ZNF462: variants seen among roughly 807,000 people sequenced by gnomAD.
ZNF462 encodes zinc finger protein 462.
ZNF462 carries 10 observed loss-of-function variants against 201.9 expected under a neutral mutation model. The ratio of observed to expected loss-of-function variants is 0.05; its 90% CI spans 0.03 to 0.08. The LOEUF is 0.08. Ranked by LOEUF, ZNF462 falls within the 10% of genes least tolerant of loss-of-function variation. The pLI, the probability that ZNF462 is intolerant of heterozygous loss-of-function variation, is 1.00. For synonymous variants in ZNF462, 1,227 were observed against 1,193.3 expected (o/e 1.03, Z -0.58); for missense variants, 2,523 against 3,168.3 (o/e 0.80, Z 4.89).
At chr9:106,918,518 T>G (rs562939101) in intron 1 of ZNF462, among the ~76,000 whole-genome samples, 5 of 152,332 alleles carry the variant, frequency 3.3e-5, no homozygotes, top group Middle Eastern at 3.4e-3. Context: ...TTATTAGAAC[T>G]TCCACTTCAG....
chr9:106,934,811 G>A (rs569410446), intron 5 of ZNF462, among the ~76,000 whole-genome samples: 1 of 152,170 alleles, frequency 6.6e-6, no homozygotes, highest in Non-Finnish European at 1.5e-5. Flanking sequence ...TGAAGTACTA[G>A]GGGTTCGTTG....
chr9:106,929,362 A>C lies in ZNF462; in HGVS notation c.5450A>C (p.Lys1817Thr). 1 of 1,614,134 alleles carries C rather than the reference A, an allele frequency of 6.2e-7. No homozygotes were observed. The highest frequency in any genetic ancestry group is 8.5e-7 in the Non-Finnish European group (1 of 1,180,048). The stretch of plus-strand genomic sequence containing the variant: ...GCCGTCTATGCAGATGAGCATGAGA[A>C]GCCCACACTGATGGAAGAAGAGGAG... ...FTAVYADEHEKPTLMEEEERG... is the reference protein window; with the variant it reads ...FTAVYADEHETPTLMEEEERG... The change falls in exon 3 of 13, where the codon AAG becomes ACG. Residue 1817 changes from lysine to threonine, a missense_variant. This residue lies in a region of ZNF462 where 207 missense variants were observed against 231.6 expected (regional missense o/e 0.89). Transcript: ENST00000277225. The surrounding 1 kb of genome is among the most constrained non-coding windows in gnomAD (Gnocchi z 8.7).
rs940228186 is a variant in ZNF462 at position 106,886,664 on chromosome 9, A to T, written c.-31+23309A>T. Among the ~76,000 whole-genome samples, 3 of 152,174 alleles carry T rather than the reference A, an allele frequency of 2.0e-5. No homozygotes were observed. The highest frequency in any genetic ancestry group is 7.2e-5 in the African/African-American group (3 of 41,446). ...TAACCCCTTCATTTTACAGCTCTGG[A>T]AAGGCTGAAATGATGTGTCCAAAGT... On this transcript the variant is annotated intron_variant, in intron 1 of 12. Transcript: ENST00000277225. This position sits in a 1 kb window ranked among gnomAD's most constrained non-coding sequence, Gnocchi z 4.6.
chr9:106,958,062 C>T (rs915274629), intron 7 of ZNF462, among the ~76,000 whole-genome samples: 4 of 152,018 alleles, frequency 2.6e-5, no homozygotes, highest in Admixed American at 2.6e-4. Context: ...TAGTAAAATC[C>T]CGAGAAGAAA....
At position 106,927,824 on chromosome 9, in the gene ZNF462, A is replaced by G; in HGVS notation, c.3912A>G (p.Leu1304=). 1 of 1,614,196 alleles carries G rather than the reference A, an allele frequency of 6.2e-7. No individual in the cohort carries two copies. The highest frequency in any genetic ancestry group is 8.5e-7 in the Non-Finnish European group (1 of 1,180,034). Reference sequence around the variant, plus strand: ...CGTCCATCATGCGATGGGCATTTCTAGATGGCTTGATAGAAGCTGGCTACC... The same window carrying G: ...CGTCCATCATGCGATGGGCATTTCTGGATGGCTTGATAGAAGCTGGCTACC... The part of the protein sequence containing the change: ...TVTSIMRWAF[L]DGLIEAGYHC... Residue 1304 remains leucine (L), a synonymous_variant, in exon 3 of 13, where the codon CTA becomes CTG. Coordinates refer to ENST00000277225, the MANE Select transcript of ZNF462 (RefSeq NM_021224.6).
Position 106,972,380 on chromosome 9 carries a change from G to A in ZNF462, c.6695+108G>A. ...CTACTTGGAGCTTATGGGAGGCCCT[G>A]CCCATGTGATGATGTAGGGGTTGGG... On this transcript the variant is annotated intron_variant, in intron 8 of 12. Transcript: ENST00000277225. The surrounding 1 kb of genome is among the most constrained non-coding windows in gnomAD (Gnocchi z 4.8). The A allele has an allele frequency of 6.8e-7, 1 of 1,461,450 alleles. No individual in the cohort carries two copies. The highest frequency in any genetic ancestry group is 9.2e-7 in the Non-Finnish European group (1 of 1,089,050). The allele number at this position is 1,461,450 out of a possible 1,614,324, so 90.5% of individuals were successfully genotyped here.
At chr9:106,931,761 T>A (rs1461019155) in intron 4 of ZNF462, among the ~76,000 whole-genome samples, 1 of 152,228 alleles carries the variant, frequency 6.6e-6, no homozygotes, top group Non-Finnish European at 1.5e-5. Flanking sequence ...CAGTCTCCAG[T>A]CATAGAGTGA....
intron 7 of ZNF462, among the ~76,000 whole-genome samples, chr9:106,953,109 AAATCTCTTGGAAGGAAAAAACCAAT>A (rs1564128990): frequency 6.6e-6 from 1 of 152,154 alleles, no homozygotes; most frequent in Non-Finnish European, 1.5e-5. Flanking sequence ...CTTATCTTCC[AAATCTCTTGGAAGGAAAAAACCAAT>A]AATCCCAACT....
intron 7 of ZNF462, among the ~76,000 whole-genome samples, chr9:106,951,021 CAG>C (rs1321173737): frequency 6.7e-6 from 1 of 149,384 alleles, no homozygotes; most frequent in Non-Finnish European, 1.5e-5. Flanking sequence ...ACCCAGGAGA[CAG>C]AGGTTGCAGT....
intron 6 of ZNF462, among the ~76,000 whole-genome samples, chr9:106,937,260 T>A (rs1414529734): frequency 2.0e-5 from 3 of 152,138 alleles, no homozygotes; most frequent in Admixed American, 2.0e-4. Flanking sequence ...GTATTCTATA[T>A]ATTGTCATAT....
rs901606451 is a variant in ZNF462 at position 106,963,066 on chromosome 9, G to A, written c.6428-8939G>A. Among the ~76,000 whole-genome samples, 6 of 151,994 alleles carry A rather than the reference G, an allele frequency of 3.9e-5. No individual in the cohort carries two copies. Among genetic ancestry groups the A allele is most frequent in the South Asian group, 2.1e-4 (1 of 4,826 alleles). ...TTAGTTTCGAATATAATTTTCTTTT[G>A]GAATAGCCCATAGATAAAGAACATT... is the stretch of plus-strand genomic sequence containing the variant. On this transcript the variant is annotated intron_variant, in intron 7 of 12. Coordinates refer to ENST00000277225, the MANE Select transcript of ZNF462 (RefSeq NM_021224.6). This position sits in a 1 kb window ranked among gnomAD's most constrained non-coding sequence, Gnocchi z 4.7.
chr9:106,927,429 A>T lies in ZNF462; in HGVS notation c.3517A>T (p.Ile1173Leu). 1 of 1,549,040 alleles carries T rather than the reference A, an allele frequency of 6.5e-7. No homozygotes were observed. The highest frequency in any genetic ancestry group is 8.8e-7 in the Non-Finnish European group (1 of 1,139,686). The change falls in exon 3 of 13, where the codon ATA becomes TTA. Residue 1173 changes from isoleucine to leucine, a missense_variant. Physicochemically the swap from Ile to Leu is conservative, Grantham distance 5. This residue lies in a region of ZNF462 where 222 missense variants were observed against 271.6 expected (regional missense o/e 0.82). Transcript: ENST00000277225. ...AGGCTCCCCCCGGCCACCCGCCCCC[A>T]TACAACAGCTGAACCGAAGCAGCTC... The part of the protein sequence containing the change: ...PQGSPRPPAP[I>L]QQLNRSSSER...
At chr9:106,939,268 G>C (rs1830764271) in intron 7 of ZNF462, among the ~76,000 whole-genome samples, 161 bp downstream of exon 7, 1 of 152,248 alleles carries the variant, frequency 6.6e-6, no homozygotes, top group Admixed American at 6.5e-5. Flanking sequence ...AGTTGGAGTG[G>C]GAAGGGGAAA....
rs749733937 is a variant in ZNF462, at chr9:107,006,350, A to AAAAC, written c.7189+2939_7189+2942dup. Among the ~76,000 whole-genome samples the AAAAC allele has an allele frequency of 6.6e-6, 1 of 152,206 alleles. No homozygotes were observed. On this transcript the variant is annotated intron_variant, in intron 11 of 12. Coordinates refer to ENST00000277225, the MANE Select transcript of ZNF462 (RefSeq NM_021224.6). The surrounding 1 kb of genome is among the most constrained non-coding windows in gnomAD (Gnocchi z 4.3). ...TAAGAGCATGTTCAAAGTAAAAAAC[A>AAAAC]AAACAAACAAACAAACAACAACAAA... is the stretch of plus-strand genomic sequence containing the variant.
intron 9 of ZNF462, among the ~76,000 whole-genome samples, chr9:106,980,630 C>T (rs1225194750): frequency 6.6e-6 from 1 of 152,186 alleles, no homozygotes; most frequent in Non-Finnish European, 1.5e-5. Flanking sequence ...TACACATGTG[C>T]TTCAATGTGA....
chr9:106,939,632 G>A (rs1290167938), intron 7 of ZNF462, among the ~76,000 whole-genome samples: 1 of 152,166 alleles, frequency 6.6e-6, no homozygotes, highest in Non-Finnish European at 1.5e-5. Flanking sequence ...AGGATGCTAA[G>A]GAGGCATGAG....
At chr9:106,953,087 A>G (rs1315012706) in intron 7 of ZNF462, among the ~76,000 whole-genome samples, 1 of 152,164 alleles carries the variant, frequency 6.6e-6, no homozygotes, top group Non-Finnish European at 1.5e-5. Flanking sequence ...CTTGGATGTG[A>G]CCTTCTGCGA....
In ZNF462 at chr9:106,883,968, T is replaced by TA. The variant is rs778382190; in HGVS notation, c.-31+20620dup. On this transcript the variant is annotated intron_variant, in intron 1 of 12. Coordinates refer to ENST00000277225, the MANE Select transcript of ZNF462 (RefSeq NM_021224.6). This position sits in a 1 kb window ranked among gnomAD's most constrained non-coding sequence, Gnocchi z 4.9. ...GCTGTTATGCTGTCTTCATTGCTCA[T>TA]AAAAAAATGTTTAAGCAACCACAAG... Among the ~76,000 whole-genome samples the TA allele has an allele frequency of 1.3e-5, 2 of 152,252 alleles. No individual in the cohort carries two copies. Among genetic ancestry groups the TA allele is most frequent in the African/African-American group, 4.8e-5 (2 of 41,564 alleles).
intron 10 of ZNF462, among the ~76,000 whole-genome samples, chr9:106,996,447 C>G: frequency 6.6e-6 from 1 of 152,144 alleles, no homozygotes. Context: ...AAAAGTGTTC[C>G]TATTTCTCCA....
Sources: allele counts gnomAD v4.1 joint callset (sites outside exome capture counted in the v4.1 genomes callset), GRCh38; gene constraint gnomAD v4.1.1; regional missense constraint gnomAD v4.1.1; non-coding constraint Gnocchi (gnomAD v3.1); transcripts MANE v1.5; gene names NCBI Gene and HGNC (gene_info 2026-07-23, HGNC 2026-07-21).